HSPG2: variants seen among roughly 807,000 people sequenced by gnomAD.
HSPG2 encodes heparan sulfate proteoglycan 2, also known as basement membrane-specific heparan sulfate proteoglycan core protein.
In HSPG2, 278 loss-of-function variants were observed where a neutral mutation model predicts 526.6. The ratio of observed to expected loss-of-function variants is 0.53; its 90% CI spans 0.48 to 0.58. The LOEUF is 0.58. Among genes scored for constraint, HSPG2 ranks in the 20% least tolerant of loss-of-function variants. HSPG2 has a pLI of 0.00. For synonymous variants in HSPG2, 2,465 were observed against 2,555.4 expected, an observed-to-expected ratio of 0.96 and a Z score of 1.07; for missense variants, 5,354 against 6,099.5, an observed-to-expected ratio of 0.88 and a Z score of 4.07.
In HSPG2 at chr1:21,851,976, A is replaced by G. The variant is rs34346159; in HGVS notation, c.6871-50T>C. On this transcript the variant is annotated intron_variant, in intron 53 of 96. Transcript: ENST00000374695. The stretch of plus-strand genomic sequence containing the variant: ...GAGGGGGGCTTCCCGGAGGCCAGCA[A>G]ATGCCCCACCGCTGTCCCCCCGATC... The G allele has an allele frequency of 0.056, 90,773 of 1,607,614 alleles. 3,066 individuals are homozygous for G. Among genetic ancestry groups the G allele is most frequent in the South Asian group, 0.11 (9,894 of 90,560 alleles).
chr1:21,827,871 C>A lies in HSPG2; in HGVS notation c.12581G>T (p.Gly4194Val), dbSNP rs749951503. The A allele has an allele frequency of 1.8e-5, 28 of 1,584,884 alleles. No homozygotes were observed. In the African/African-American group the frequency reaches 3.3e-4, roughly 19 times the overall value. ...CCATGGCAAGTACTCACCATTGCCC[C>A]CGCTGCCTTCAAGATGCCAGTCGGA... ...AESDWHLEGSGGNDAPGQYGA... is the reference protein window; with the variant it reads ...AESDWHLEGSVGNDAPGQYGA... The change falls in exon 91 of 97, where the codon GGG (glycine) becomes GTG (valine). Residue 4194 changes from glycine (G) to valine (V), a missense_variant. Physicochemically the swap from Gly to Val is moderately radical, Grantham distance 109. Transcript: ENST00000374695.
In HSPG2 at chr1:21,923,917, G is replaced by T. The variant is rs559497368; in HGVS notation, c.63+13238C>A. Reference sequence around the variant, plus strand: ...AGCTCAAAGAAGTTCAATGGCTTGGGATCACGTAAGAGTTTAGGAATCTTG... The same window carrying T: ...AGCTCAAAGAAGTTCAATGGCTTGGTATCACGTAAGAGTTTAGGAATCTTG... On this transcript the variant is annotated intron_variant, in intron 1 of 96. Transcript: ENST00000374695. Among the ~76,000 whole-genome samples the T allele has an allele frequency of 1.4e-4, 22 of 152,300 alleles. 1 individual carries two copies. In the South Asian group the frequency reaches 4.6e-3, roughly 32 times the overall value.
At position 21,833,313 on chromosome 1, in the gene HSPG2, T is replaced by C. The variant is rs2098012669; in HGVS notation, c.11050A>G (p.Arg3684Gly). ...AAGGTGATCTTGATCTCGAACTTCC[T>C]GTAGGCATCCTTGATGGTGGGCAGC... is the stretch of plus-strand genomic sequence containing the variant. Reference protein sequence around the residue: ...LPLPTIKDAYRKFEIKITFRP... With the variant: ...LPLPTIKDAYGKFEIKITFRP... Residue 3684 changes from arginine to glycine, a missense_variant, in exon 80 of 97, where the codon AGG becomes GGG. Transcript: ENST00000374695. 7 of 1,613,966 alleles carry C rather than the reference T, an allele frequency of 4.3e-6. No homozygotes were observed. The highest frequency in any genetic ancestry group is 3.3e-5 in the Admixed American group (2 of 60,006).
At chr1:21,921,875 C>T (rs544864966) in intron 1 of HSPG2, among the ~76,000 whole-genome samples, 4 of 152,112 alleles carry the variant, frequency 2.6e-5, no homozygotes, top group African/African-American at 7.2e-5. Context: ...GAGCCTTCGG[C>T]CCCCTGCACT....
At chr1:21,846,353 G>A (rs1172107217) in intron 63 of HSPG2, 95 bp downstream of exon 63, 1 of 1,603,000 alleles carries the variant, frequency 6.2e-7, no homozygotes. Flanking sequence ...GGGGGGTACT[G>A]CACCCCACGG....
rs779739470 is a variant in HSPG2, at chr1:21,904,512, C to T, written c.64-8202G>A. On this transcript the variant is annotated intron_variant, in intron 1 of 96. Coordinates refer to ENST00000374695, the MANE Select transcript of HSPG2 (RefSeq NM_005529.7). This position sits in a 1 kb window ranked among gnomAD's most constrained non-coding sequence, Gnocchi z 4.4. ...CTGACCCGGTGCTAGTCACAGAGGCCAAGTCTCCCCTGTACCCCCAGAGTC... is the reference window on the plus strand; with the variant it reads ...CTGACCCGGTGCTAGTCACAGAGGCTAAGTCTCCCCTGTACCCCCAGAGTC... Among the ~76,000 whole-genome samples the T allele has an allele frequency of 2.4e-4, 36 of 152,122 alleles. No individual in the cohort carries two copies. The highest frequency in any genetic ancestry group is 3.2e-3 in the Middle Eastern group (1 of 316).
At chr1:21,934,967 T>G (rs1644448362) in intron 1 of HSPG2, among the ~76,000 whole-genome samples, 1 of 149,048 alleles carries the variant, frequency 6.7e-6, no homozygotes, top group Non-Finnish European at 1.5e-5. Context: ...AGTGCAATGG[T>G]GTGGTCTCAG....
chr1:21,839,897 G>C lies in HSPG2; in HGVS notation c.9634C>G (p.Pro3212Ala), dbSNP rs1488793103. ...VDTGAMAPGA[P>A]QVQAEEAELT... ...TCAGCTTCTTCAGCTTGGACCTGAG[G>C]GGCCCCTGGGGCCATGGCGCCCGTG... Residue 3212 changes from proline to alanine, a missense_variant, in exon 72 of 97, where the codon CCT becomes GCT. Coordinates refer to ENST00000374695, the MANE Select transcript of HSPG2 (RefSeq NM_005529.7). The surrounding 1 kb of genome is among the most constrained non-coding windows in gnomAD (Gnocchi z 4.5). 1 of 1,614,000 alleles carries C rather than the reference G, an allele frequency of 6.2e-7. No individual in the cohort carries two copies. The highest frequency in any genetic ancestry group is 8.5e-7 in the Non-Finnish European group (1 of 1,180,018).
At chr1:21,833,163 G>T in intron 80 of HSPG2, 105 bp downstream of exon 80, 1 of 936,962 alleles carries the variant, frequency 1.1e-6, no homozygotes, top group African/African-American at 1.6e-5. Context: ...CTGAGGGATT[G>T]GGGCAGGACT....
Position 21,847,286 on chromosome 1 carries a change from C to A in HSPG2, c.8164+68G>T. ...TACCACCAGGTCTGAGGACTCTGACCTGAAAGTTCCTTCTCCCCAGGGAAC... is the reference window on the plus strand; with the variant it reads ...TACCACCAGGTCTGAGGACTCTGACATGAAAGTTCCTTCTCCCCAGGGAAC... On this transcript the variant is annotated intron_variant, in intron 62 of 96. Transcript: ENST00000374695. This position sits in a 1 kb window ranked among gnomAD's most constrained non-coding sequence, Gnocchi z 4.1. 1 of 1,593,618 alleles carries A rather than the reference C, an allele frequency of 6.3e-7. No individual in the cohort carries two copies. The highest frequency in any genetic ancestry group is 8.6e-7 in the Non-Finnish European group (1 of 1,163,184).
Position 21,893,463 on chromosome 1 carries a change from C to A in HSPG2, c.244+2459G>T, listed in dbSNP as rs547966648. On this transcript the variant is annotated intron_variant, in intron 3 of 96. Coordinates refer to ENST00000374695, the MANE Select transcript of HSPG2 (RefSeq NM_005529.7). The surrounding 1 kb of genome is among the most constrained non-coding windows in gnomAD (Gnocchi z 4.3). ...TCTGAGCCTCTTGTGTGACTCGCAGCAAAGTGCAGGTTGGGGAGGAAGAGA... is the reference window on the plus strand; with the variant it reads ...TCTGAGCCTCTTGTGTGACTCGCAGAAAAGTGCAGGTTGGGGAGGAAGAGA... Among the ~76,000 whole-genome samples, 4 of 152,238 alleles carry A rather than the reference C, an allele frequency of 2.6e-5. No homozygotes were observed. Among genetic ancestry groups the A allele is most frequent in the Admixed American group, 6.5e-5 (1 of 15,298 alleles).
At chr1:21,871,418 G>A (rs959902787) in intron 33 of HSPG2, among the ~76,000 whole-genome samples, 2 of 151,848 alleles carry the variant, frequency 1.3e-5, no homozygotes, top group Non-Finnish European at 2.9e-5. Context: ...GCACCAACAC[G>A]CCCAGCTAAT....
chr1:21,852,603 G>A, intron 52 of HSPG2, 97 bp downstream of exon 52: 1 of 1,538,484 alleles, frequency 6.5e-7, no homozygotes, highest in Non-Finnish European at 9.0e-7. Flanking sequence ...TCCGGTGTGG[G>A]CCTTCTGCCC....
chr1:21,912,491 G>A (rs1239655935), intron 1 of HSPG2, among the ~76,000 whole-genome samples: 2 of 152,124 alleles, frequency 1.3e-5, no homozygotes, highest in African/African-American at 4.8e-5. Context: ...TCCAAGCTGG[G>A]AGGGATCACC....
At position 21,824,440 on chromosome 1, in the gene HSPG2, G is replaced by A. The variant is rs1374046845; in HGVS notation, c.12745-64C>T. ...GGAGAGCAGAGGCTGCCGAGGCCAGGGGGCTCTGCTTTCCCCTCCCCCCAC... is the reference window on the plus strand; with the variant it reads ...GGAGAGCAGAGGCTGCCGAGGCCAGAGGGCTCTGCTTTCCCCTCCCCCCAC... On this transcript the variant is annotated intron_variant, in intron 93 of 96. Coordinates refer to ENST00000374695, the MANE Select transcript of HSPG2 (RefSeq NM_005529.7). The surrounding 1 kb of genome is among the most constrained non-coding windows in gnomAD (Gnocchi z 5.9). 2 of 1,602,250 alleles carry A rather than the reference G, an allele frequency of 1.2e-6. No individual in the cohort carries two copies. Among genetic ancestry groups the A allele is most frequent in the Non-Finnish European group, 8.5e-7 (1 of 1,171,090 alleles).
intron 57 of HSPG2, among the ~76,000 whole-genome samples, chr1:21,849,547 CT>C (rs1638720345): frequency 1.3e-5 from 2 of 152,316 alleles, no homozygotes; most frequent in South Asian, 4.1e-4. Flanking sequence ...CAAATGGAAG[CT>C]TTTTCTTAGA....
intron 81 of HSPG2, 32 bp downstream of exon 81, chr1:21,832,463 C>G (rs765978354): frequency 4.5e-6 from 7 of 1,549,128 alleles, no homozygotes; most frequent in Non-Finnish European, 6.2e-6. Flanking sequence ...TGTGTCCAGT[C>G]CCCCTGTAGG....
intron 13 of HSPG2, among the ~76,000 whole-genome samples, chr1:21,881,989 G>GT (rs1641554897): frequency 6.6e-6 from 1 of 150,486 alleles, no homozygotes; most frequent in Non-Finnish European, 1.5e-5. Context: ...AGAAAATGCA[G>GT]TTTTTTCCTC....
At chr1:21,862,533 G>A (rs1182053544) in intron 37 of HSPG2, among the ~76,000 whole-genome samples, 12 of 139,152 alleles carry the variant, frequency 8.6e-5, no homozygotes, top group African/African-American at 2.7e-4. Context: ...GGAGTGAGCC[G>A]AGATTGCACC....
Sources: gnomAD v4.1 joint callset for allele counts (sites outside exome capture counted in the v4.1 genomes callset) on GRCh38, gnomAD v4.1.1 for gene constraint, Gnocchi (gnomAD v3.1) non-coding constraint, MANE v1.5 for transcripts, NCBI Gene and HGNC (gene_info 2026-07-23, HGNC 2026-07-21) for gene names.